The following CTDSPL variants were observed in gnomAD, a reference collection of about 807,000 sequenced individuals.
CTDSPL encodes the protein CTD small phosphatase like, also known as CTD small phosphatase-like protein.
Under a neutral mutation model 30.5 loss-of-function variants are expected in CTDSPL, and 8 were observed. The observed-to-expected ratio is 0.26, with a 90% CI of 0.15 to 0.47. CTDSPL has a LOEUF of 0.47. CTDSPL is among the 20% of genes least tolerant of loss of function. The pLI, the probability that CTDSPL is intolerant of heterozygous loss-of-function variation, is 0.99. For synonymous variants in CTDSPL, 110 were observed against 137.9 expected (o/e 0.80, Z 1.42); for missense variants, 248 against 366.1 (o/e 0.68, Z 2.63).
chr3:37,967,699 C>T (rs1290939433), intron 4 of CTDSPL, 127 bp from the exon 5 acceptor site: 2 of 624,180 alleles, frequency 3.2e-6, no homozygotes, highest in South Asian at 4.0e-5. Context: ...CATGCTTCAT[C>T]ATCCTCCTCC....
At chr3:37,951,355 A>T (rs1699105987) in intron 2 of CTDSPL, among the ~76,000 whole-genome samples, 1 of 150,276 alleles carries the variant, frequency 6.7e-6, no homozygotes, top group Non-Finnish European at 1.5e-5. Flanking sequence ...GCGAAAGAGC[A>T]AGACTCAGTC....
In CTDSPL at chr3:37,915,420, A is replaced by G. The variant is rs146327295; in HGVS notation, c.80-31637A>G. On this transcript the variant is annotated intron_variant, in intron 1 of 7. Transcript: ENST00000273179. ...TCTCCTCTCCTGTGACTCTAATTAT[A>G]TATCTATTAGTCCTGCTCACTACTC... Among the ~76,000 whole-genome samples the G allele has an allele frequency of 2.6e-3, 392 of 152,130 alleles. 4 individuals are homozygous for G. Among genetic ancestry groups the G allele is most frequent in the African/African-American group, 8.2e-3 (342 of 41,484 alleles).
rs1466721818 is a variant in CTDSPL at position 37,960,529 on chromosome 3, T to C, written c.267+3386T>C. Among the ~76,000 whole-genome samples, 190 of 59,652 alleles carry C rather than the reference T, an allele frequency of 3.2e-3. 2 individuals are homozygous for C. The highest frequency in any genetic ancestry group is 4.4e-3 in the African/African-American group (57 of 12,906). 39.1% of individuals were successfully genotyped at this position (59,652 alleles called of 152,430 possible). The stretch of plus-strand genomic sequence containing the variant: ...AAATATATATATATATATATATATA[T>C]ATATATACACACACACACACACACA... On this transcript the variant is annotated intron_variant, in intron 3 of 7. Transcript: ENST00000273179.
intron 1 of CTDSPL, among the ~76,000 whole-genome samples, chr3:37,939,461 TG>T (rs147669798): frequency 6.6e-6 from 1 of 150,556 alleles, no homozygotes; most frequent in African/African-American, 2.4e-5. Flanking sequence ...GGCTCTTAAA[TG>T]GCAACCTGTG....
At chr3:37,867,041 C>A (rs1479645623) in intron 1 of CTDSPL, among the ~76,000 whole-genome samples, 2 of 152,096 alleles carry the variant, frequency 1.3e-5, no homozygotes. Context: ...TTGATATAGT[C>A]AAGGTATAGA....
Position 37,971,518 on chromosome 3 carries a change from C to G in CTDSPL, c.519+19C>G. The G allele has an allele frequency of 1.2e-6, 2 of 1,606,742 alleles. No individual in the cohort carries two copies. The highest frequency in any genetic ancestry group is 1.7e-6 in the Non-Finnish European group (2 of 1,173,948). On this transcript the variant is annotated intron_variant, in intron 6 of 7. Transcript: ENST00000273179. ...GGCCAAGGTGAGTCCTGCTTCCCAG[C>G]CCCACACTCCCAGCCTGGTACTCCC...
chr3:37,956,212 G>A (rs76988345), intron 2 of CTDSPL, among the ~76,000 whole-genome samples: 254 of 152,310 alleles, frequency 1.7e-3, no homozygotes, highest in African/African-American at 5.8e-3. Context: ...AGCTCAGAAA[G>A]GTGCCAGGCA....
chr3:37,925,921 C>T (rs139134983), intron 1 of CTDSPL, among the ~76,000 whole-genome samples: 10 of 152,244 alleles, frequency 6.6e-5, no homozygotes, highest in African/African-American at 1.9e-4. Flanking sequence ...CACTGTGTGA[C>T]GTACTCTATA....
chr3:37,891,907 CACAT>C (rs74270649), intron 1 of CTDSPL, among the ~76,000 whole-genome samples: 6,945 of 152,086 alleles, frequency 0.046, 183 homozygotes, highest in Middle Eastern at 0.068. Context: ...TACATGTACA[CACAT>C]ATATATGTGC....
rs569595534 is a variant in CTDSPL at position 37,899,130 on chromosome 3, T to A, written c.79+36852T>A. ...CTGTGGGACTTCCAGGGAGAAGTGC[T>A]AAGTAGGCAGTGATACCCTGGGCTG... is the stretch of plus-strand genomic sequence containing the variant. On this transcript the variant is annotated intron_variant, in intron 1 of 7. Transcript: ENST00000273179. Among the ~76,000 whole-genome samples the A allele has an allele frequency of 3.9e-5, 6 of 152,276 alleles. No individual in the cohort carries two copies. In the South Asian group the frequency reaches 1.2e-3, roughly 32 times the overall value.
At chr3:37,951,430 C>T (rs577001868) in intron 2 of CTDSPL, among the ~76,000 whole-genome samples, 1 of 152,042 alleles carries the variant, frequency 6.6e-6, no homozygotes, top group Middle Eastern at 3.4e-3. Context: ...AATCCCAGCA[C>T]TTTGGGAGGC....
At chr3:37,911,378 C>G (rs1048736187) in intron 1 of CTDSPL, among the ~76,000 whole-genome samples, 2 of 152,132 alleles carry the variant, frequency 1.3e-5, no homozygotes, top group Non-Finnish European at 2.9e-5. Flanking sequence ...AGAACTGAGT[C>G]AAGGCTGCAG....
intron 4 of CTDSPL, among the ~76,000 whole-genome samples, chr3:37,966,218 G>A (rs1699297165): frequency 6.6e-6 from 1 of 152,214 alleles, no homozygotes; most frequent in South Asian, 2.1e-4. Context: ...AAGCTAATGT[G>A]AATGGTGTTT....
chr3:37,949,421 G>A (rs560409283), intron 2 of CTDSPL, among the ~76,000 whole-genome samples: 2 of 152,326 alleles, frequency 1.3e-5, no homozygotes, highest in East Asian at 1.9e-4. Context: ...TTCAACAACA[G>A]GCAGTTGGTT....
At chr3:37,973,626 G>A (rs1226683345) in intron 6 of CTDSPL, among the ~76,000 whole-genome samples, 4 of 152,220 alleles carry the variant, frequency 2.6e-5, no homozygotes, top group African/African-American at 9.6e-5. Context: ...GTGGTGCAGT[G>A]GACCTCCTTG....
chr3:37,965,594 C>T (rs544122746), intron 4 of CTDSPL, among the ~76,000 whole-genome samples: 160 of 152,280 alleles, frequency 1.1e-3, no homozygotes, highest in African/African-American at 3.7e-3. Context: ...GACTCCCCTT[C>T]ACTGAGAGAC....
chr3:37,939,084 C>T (rs1698948812), intron 1 of CTDSPL, among the ~76,000 whole-genome samples: 1 of 150,068 alleles, frequency 6.7e-6, no homozygotes, highest in South Asian at 2.2e-4. Context: ...AATGGATCTG[C>T]CTACATGTTT....
intron 2 of CTDSPL, among the ~76,000 whole-genome samples, chr3:37,956,152 G>A (rs1699170345): frequency 6.6e-6 from 1 of 152,150 alleles, no homozygotes; most frequent in Non-Finnish European, 1.5e-5. Flanking sequence ...TGATGACTAG[G>A]GGTTGGAGAT....
At chr3:37,882,925 C>A (rs1348970978) in intron 1 of CTDSPL, among the ~76,000 whole-genome samples, 1 of 152,170 alleles carries the variant, frequency 6.6e-6, no homozygotes, top group East Asian at 1.9e-4. Context: ...AAACAGTGTT[C>A]TACGTGCTTG....
Sources: gnomAD v4.1 joint callset for allele counts (sites outside exome capture counted in the v4.1 genomes callset) on GRCh38, gnomAD v4.1.1 for gene constraint, MANE v1.5 for transcripts, NCBI Gene and HGNC (gene_info 2026-07-23, HGNC 2026-07-21) for gene names.